Variants in CA10 observed in about 807,000 individuals in gnomAD.
CA10 encodes carbonic anhydrase-related protein 10.
In CA10, 14 loss-of-function variants were observed where a neutral mutation model predicts 44.2. That is an observed-to-expected ratio of 0.32 (90% CI 0.21 to 0.50). The LOEUF (loss-of-function observed/expected upper bound fraction) is 0.50, where lower values mean the gene tolerates loss of function less well. CA10 is among the 20% of genes least tolerant of loss of function. The pLI is 0.99. For synonymous variants in CA10, 159 were observed against 141.6 expected (o/e 1.12, Z -0.87); for missense variants, 350 against 409.7 (o/e 0.85, Z 1.26).
At chr17:51,740,743 C>T (rs1904423473) in intron 4 of CA10, among the ~76,000 whole-genome samples, 1 of 152,148 alleles carries the variant, frequency 6.6e-6, no homozygotes, top group Non-Finnish European at 1.5e-5. Flanking sequence ...GCTCACAGCT[C>T]CCTCCCACTT....
chr17:52,055,174 C>A (rs1387316341), intron 2 of CA10, among the ~76,000 whole-genome samples: 3 of 151,988 alleles, frequency 2.0e-5, no homozygotes, highest in East Asian at 1.9e-4. Flanking sequence ...ATCTGAGACT[C>A]TTTGCAAGCT....
At chr17:51,833,376 T>A (rs1179376019) in intron 3 of CA10, among the ~76,000 whole-genome samples, 1 of 152,194 alleles carries the variant, frequency 6.6e-6, no homozygotes, top group Non-Finnish European at 1.5e-5. Flanking sequence ...CTTTGATGCA[T>A]TTTTAAACAT....
Position 51,717,799 on chromosome 17 carries a change from GTATA to G in CA10, c.465+29830_465+29833del, listed in dbSNP as rs1246766451. Among the ~76,000 whole-genome samples, 2 of 26,978 alleles carry G rather than the reference GTATA, an allele frequency of 7.4e-5. 1 individual carries two copies. The highest frequency in any genetic ancestry group is 1.4e-4 in the Non-Finnish European group (2 of 14,254). The allele number at this position is 26,978 out of a possible 152,430, so 17.7% of individuals were successfully genotyped here. ...TATATGCATGTATATATGTATATGT[GTATA>G]TATATACACGTATATATATGTGTGT... On this transcript the variant is annotated intron_variant, in intron 4 of 8. Coordinates refer to ENST00000451037, the MANE Select transcript of CA10 (RefSeq NM_020178.5).
At chr17:51,714,670 GAGA>G in intron 4 of CA10, among the ~76,000 whole-genome samples, 1 of 152,162 alleles carries the variant, frequency 6.6e-6, no homozygotes, top group East Asian at 1.9e-4. Context: ...GTGGTGATGG[GAGA>G]AGCTTAGTTT....
At chr17:52,157,583 G>T (rs1342367567) in intron 1 of CA10, 143 bp downstream of exon 1, 35 of 538,890 alleles carry the variant, frequency 6.5e-5, no homozygotes, top group East Asian at 2.7e-4. Flanking sequence ...GAAGATTTTT[G>T]ATTCTGAAGG....
At chr17:52,003,463 T>C (rs1985497959) in intron 2 of CA10, among the ~76,000 whole-genome samples, 2 of 151,994 alleles carry the variant, frequency 1.3e-5, no homozygotes, top group African/African-American at 4.8e-5. Context: ...CTGTGCTCAC[T>C]GTTTCCCCGG....
intron 1 of CA10, among the ~76,000 whole-genome samples, chr17:52,084,008 G>GA (rs1988051668): frequency 6.6e-6 from 1 of 152,088 alleles, no homozygotes; most frequent in Non-Finnish European, 1.5e-5. Flanking sequence ...ACTTGTGGAA[G>GA]AAAAAAGATA....
chr17:52,114,675 A>G (rs1036454167), intron 1 of CA10, among the ~76,000 whole-genome samples: 8 of 152,166 alleles, frequency 5.3e-5, no homozygotes, highest in Middle Eastern at 3.2e-3. Flanking sequence ...GGTCCTACAA[A>G]TGGAGCTATA....
In CA10 at chr17:52,049,487, A is replaced by T. The variant is rs577921395; in HGVS notation, c.136+22832T>A. 8.5e-5 allele frequency among the ~76,000 whole-genome samples: 13 copies of T among 152,272 alleles called. No homozygotes were observed. In the East Asian group the frequency reaches 2.1e-3, roughly 25 times the overall value. ...TAAGTGTTTTACAAGTGTTTGTTAAAACAAACAAAACCTCACTATGTTCAC... is the reference window on the plus strand; with the variant it reads ...TAAGTGTTTTACAAGTGTTTGTTAATACAAACAAAACCTCACTATGTTCAC... On this transcript the variant is annotated intron_variant, in intron 2 of 8. Transcript: ENST00000451037.
At chr17:51,747,569 C>T (rs1457256788) in intron 4 of CA10, 64 bp downstream of exon 4, 2 of 1,357,006 alleles carry the variant, frequency 1.5e-6, no homozygotes, top group Non-Finnish European at 2.0e-6. Flanking sequence ...CCATCTTGGA[C>T]ACAAACAGGC....
At chr17:51,797,850 CAAAAAA>C (rs58344941) in intron 3 of CA10, among the ~76,000 whole-genome samples, 2 of 73,776 alleles carry the variant, frequency 2.7e-5, no homozygotes, top group African/African-American at 4.9e-5. Flanking sequence ...GGCTCCATCT[CAAAAAA>C]AAAAAAAAAA....
rs543967898 is a variant in CA10 at position 52,085,846 on chromosome 17, T to C, written c.62-13453A>G. Among the ~76,000 whole-genome samples, 5 of 152,318 alleles carry C rather than the reference T, an allele frequency of 3.3e-5. No individual in the cohort carries two copies. The South Asian group carries it at 1.0e-3, about 32-fold the overall frequency. ...GATGTTTGCCATGTGTTCACACTATTTACTTTTACTGGAATATCATATTCT... is the reference window on the plus strand; with the variant it reads ...GATGTTTGCCATGTGTTCACACTATCTACTTTTACTGGAATATCATATTCT... On this transcript the variant is annotated intron_variant, in intron 1 of 8. Coordinates refer to ENST00000451037, the MANE Select transcript of CA10 (RefSeq NM_020178.5).
intron 4 of CA10, among the ~76,000 whole-genome samples, chr17:51,675,685 C>T (rs149253402): frequency 1.8e-3 from 274 of 151,712 alleles, no homozygotes; most frequent in African/African-American, 6.2e-3. Context: ...CACTGTACTC[C>T]AGCCTGGGCG....
chr17:51,676,483 C>T (rs985879529), intron 4 of CA10, among the ~76,000 whole-genome samples: 2 of 152,200 alleles, frequency 1.3e-5, no homozygotes, highest in South Asian at 4.1e-4. Flanking sequence ...CCACCCAGAC[C>T]TACTGCACCA....
chr17:51,675,934 C>T (rs925396822), intron 4 of CA10, among the ~76,000 whole-genome samples: 1 of 144,478 alleles, frequency 6.9e-6, no homozygotes, highest in Admixed American at 6.9e-5. Context: ...GAACACTCTG[C>T]TTTTGAGAAG....
At position 52,029,469 on chromosome 17, in the gene CA10, T is replaced by A. The variant is rs889724556; in HGVS notation, c.136+42850A>T. Among the ~76,000 whole-genome samples the A allele has an allele frequency of 3.9e-5, 6 of 152,208 alleles. No individual in the cohort carries two copies. The East Asian group carries it at 1.2e-3, about 30-fold the overall frequency. On this transcript the variant is annotated intron_variant, in intron 2 of 8. Coordinates refer to ENST00000451037, the MANE Select transcript of CA10 (RefSeq NM_020178.5). ...TGTTCAGATTGAAGCAGGGGTGTAT[T>A]AATAGAGCGCAGGTCTTGGAGTTAA...
chr17:51,681,746 TA>T (rs1472898185), intron 4 of CA10, among the ~76,000 whole-genome samples: 1 of 152,174 alleles, frequency 6.6e-6, no homozygotes, highest in Non-Finnish European at 1.5e-5. Context: ...TATTGTGTAG[TA>T]GTAAAATATG....
At chr17:51,676,745 C>T (rs543580525) in intron 4 of CA10, among the ~76,000 whole-genome samples, 204 of 152,308 alleles carry the variant, frequency 1.3e-3, no homozygotes, top group African/African-American at 4.7e-3. Context: ...TATGTGCACC[C>T]ACTTCACTTA....
At chr17:52,103,055 T>C (rs971994684) in intron 1 of CA10, among the ~76,000 whole-genome samples, 26 of 152,138 alleles carry the variant, frequency 1.7e-4, no homozygotes, top group African/African-American at 6.3e-4. Context: ...TAGAATTGTC[T>C]CAGCCTAAGG....
Sources: gnomAD v4.1 joint callset for allele counts (sites outside exome capture counted in the v4.1 genomes callset) on GRCh38, gnomAD v4.1.1 for gene constraint, MANE v1.5 for transcripts, NCBI Gene and HGNC (gene_info 2026-07-23, HGNC 2026-07-21) for gene names.